Variants in LDB3 observed in about 807,000 individuals in gnomAD.
The protein encoded by LDB3 is LIM domain-binding protein 3.
A neutral mutation model predicts 69.0 loss-of-function variants in LDB3; 49 were observed. That is an observed-to-expected ratio of 0.71 (90% confidence interval 0.56 to 0.90). The LOEUF is 0.90. Among genes scored for constraint, LDB3 ranks in the 40% least tolerant of loss-of-function variants. The pLI is 0.00. For synonymous variants in LDB3, 387 were observed against 396.2 expected, an observed-to-expected ratio of 0.98 and a Z score of 0.28; for missense variants, 928 against 974.1, an observed-to-expected ratio of 0.95 and a Z score of 0.63.
At chr10:86,688,279 G>A (rs1451821880) in intron 5 of LDB3, among the ~76,000 whole-genome samples, 4 of 152,134 alleles carry the variant, frequency 2.6e-5, no homozygotes, top group Admixed American at 6.5e-5. Context: ...CAGAAAAACC[G>A]ATGTAATAAG....
chr10:86,686,254 G>A (rs1352159685), intron 5 of LDB3, among the ~76,000 whole-genome samples: 1 of 152,224 alleles, frequency 6.6e-6, no homozygotes, highest in African/African-American at 2.4e-5. Context: ...GGGCCACCAA[G>A]GGGGTGGCCT....
intron 7 of LDB3, among the ~76,000 whole-genome samples, chr10:86,704,478 T>C (rs1375109112): frequency 1.3e-5 from 2 of 151,920 alleles, no homozygotes; most frequent in Non-Finnish European, 2.9e-5. Context: ...TGCAATGGCA[T>C]GCATGATCTC....
intron 12 of LDB3, among the ~76,000 whole-genome samples, chr10:86,719,235 T>C (rs1020809660): frequency 5.9e-5 from 9 of 152,002 alleles, no homozygotes; most frequent in African/African-American, 1.9e-4. Context: ...CTACAAAAAA[T>C]ATAAACATTA....
intron 5 of LDB3, chr10:86,685,739 C>A (rs972853420): frequency 6.2e-7 from 1 of 1,612,346 alleles, no homozygotes; most frequent in Non-Finnish European, 8.5e-7. Context: ...CGCTTGCGTG[C>A]CAGCCCCAGC....
chr10:86,701,476 A>C (rs1168304873), intron 7 of LDB3, among the ~76,000 whole-genome samples: 1 of 152,180 alleles, frequency 6.6e-6, no homozygotes, highest in Non-Finnish European at 1.5e-5. Flanking sequence ...GCTGGGTTCC[A>C]TGTAAACCCC....
intron 5 of LDB3, among the ~76,000 whole-genome samples, chr10:86,689,787 G>T (rs1845673692): frequency 6.6e-6 from 1 of 152,214 alleles, no homozygotes; most frequent in African/African-American, 2.4e-5. Context: ...GCTGCACACA[G>T]TGAAGCAAAT....
chr10:86,679,951 C>G, intron 3 of LDB3, 131 bp from the exon 4 acceptor site: 1 of 798,830 alleles, frequency 1.3e-6, no homozygotes, highest in South Asian at 1.4e-5. Context: ...GGATCTGGGG[C>G]CCTCTGACTC....
At chr10:86,711,430 C>T (rs762868181) in intron 9 of LDB3, among the ~76,000 whole-genome samples, 13 of 151,988 alleles carry the variant, frequency 8.6e-5, no homozygotes, top group Non-Finnish European at 1.9e-4. Flanking sequence ...GGGAAAGAGG[C>T]GGCCGGGCGG....
rs959321198 is a variant in LDB3, at chr10:86,733,378, C to G, written c.*402C>G. The G allele has an allele frequency of 4.0e-6, 1 of 252,112 alleles. No homozygotes were observed. Among genetic ancestry groups the G allele is most frequent in the Non-Finnish European group, 7.8e-6 (1 of 128,908 alleles). The allele number at this position is 252,112 out of a possible 1,614,324, so 15.6% of individuals were successfully genotyped here. On this transcript the variant is annotated 3_prime_UTR_variant, in exon 14 of 14. Coordinates refer to ENST00000361373, the MANE Select transcript of LDB3 (RefSeq NM_007078.3). ...GCGGAGTTCTTAAGCGCTCCCCTGG[C>G]AAACAAATTGAAGTGCCAAACAGCA...
intron 2 of LDB3, among the ~76,000 whole-genome samples, chr10:86,674,232 T>TC (rs1480410877): frequency 6.6e-6 from 1 of 152,056 alleles, no homozygotes; most frequent in Non-Finnish European, 1.5e-5. Flanking sequence ...CCTTACATAA[T>TC]CCCCTGTTTA....
chr10:86,670,195 A>G (rs925773937), intron 2 of LDB3, among the ~76,000 whole-genome samples: 5 of 152,120 alleles, frequency 3.3e-5, no homozygotes, highest in African/African-American at 1.2e-4. Context: ...TCAGTTGCAG[A>G]TGTGGCTTGT....
intron 7 of LDB3, among the ~76,000 whole-genome samples, chr10:86,704,131 A>G (rs370721585): frequency 1.5e-3 from 224 of 152,046 alleles, no homozygotes; most frequent in African/African-American, 4.9e-3. Flanking sequence ...AAAAGAGAAA[A>G]AAAAAAAAAG....
intron 2 of LDB3, among the ~76,000 whole-genome samples, chr10:86,677,709 G>A (rs1015432564): frequency 5.3e-5 from 8 of 152,252 alleles, no homozygotes; most frequent in African/African-American, 9.6e-5. Flanking sequence ...ACTGGCCCCC[G>A]CACCTGCACC....
intron 2 of LDB3, among the ~76,000 whole-genome samples, chr10:86,670,599 A>G (rs1257170332): frequency 2.0e-5 from 3 of 152,214 alleles, no homozygotes; most frequent in Non-Finnish European, 4.4e-5. Context: ...CCGGCCAGCC[A>G]GGGGCTTAAA....
upstream of LDB3, chr10:86,668,409 C>T (rs903546157): frequency 2.3e-5 from 12 of 520,164 alleles, no homozygotes; most frequent in South Asian, 5.9e-5. Context: ...CATGGTGGAC[C>T]GGCTGGGAGG....
intron 10 of LDB3, 45 bp downstream of exon 10, chr10:86,716,816 G>A: frequency 1.9e-6 from 3 of 1,552,450 alleles, no homozygotes; most frequent in Non-Finnish European, 2.6e-6. Flanking sequence ...GGAAGGGCGT[G>A]TGTGTGGGGT....
intron 2 of LDB3, among the ~76,000 whole-genome samples, chr10:86,675,511 T>G (rs987725556): frequency 2.6e-5 from 4 of 152,260 alleles, no homozygotes; most frequent in African/African-American, 9.6e-5. Context: ...GACCCAGCCC[T>G]GCAGGGGGAC....
chr10:86,714,818 A>G (rs1846803578), intron 9 of LDB3, among the ~76,000 whole-genome samples: 2 of 152,198 alleles, frequency 1.3e-5, no homozygotes, highest in Middle Eastern at 3.4e-3. Context: ...CAGCCTCCCA[A>G]AGTGCTGGGA....
intron 13 of LDB3, 64 bp from the exon 14 acceptor site, chr10:86,732,823 G>A (rs1386237637): frequency 2.2e-6 from 3 of 1,365,694 alleles, no homozygotes; most frequent in African/African-American, 1.4e-5. Flanking sequence ...TCTTAAAAAA[G>A]TGATTGAAAT....
Sources: allele counts gnomAD v4.1 joint callset (sites outside exome capture counted in the v4.1 genomes callset), GRCh38; gene constraint gnomAD v4.1.1; transcripts MANE v1.5; gene names NCBI Gene and HGNC (gene_info 2026-07-23, HGNC 2026-07-21).